ODAD2: variants seen among roughly 807,000 people sequenced by gnomAD.
The protein encoded by ODAD2 is outer dynein arm docking complex subunit 2.
In ODAD2, 89 loss-of-function variants were observed where a neutral mutation model predicts 106.8. The observed-to-expected ratio is 0.83, with a 90% CI of 0.70 to 0.99. The LOEUF (loss-of-function observed/expected upper bound fraction) is 0.99, where lower values mean the gene tolerates loss of function less well. Among genes scored for constraint, ODAD2 ranks in the 50% least tolerant of loss-of-function variants. The pLI is 0.00. For missense variants in ODAD2, 1,168 were observed against 1,238.5 expected, an observed-to-expected ratio of 0.94 and a Z score of 0.85; for synonymous variants, 404 against 436.2, an observed-to-expected ratio of 0.93 and a Z score of 0.92.
intron 7 of ODAD2, among the ~76,000 whole-genome samples, chr10:27,978,601 T>G (rs752505169): frequency 1.3e-5 from 2 of 151,692 alleles, no homozygotes; most frequent in Non-Finnish European, 2.9e-5. Context: ...GACACCAGCT[T>G]GGCCAACATG....
intron 15 of ODAD2, 81 bp downstream of exon 15, chr10:27,936,645 C>G: frequency 1.4e-6 from 2 of 1,465,516 alleles, no homozygotes; most frequent in Non-Finnish European, 1.9e-6. Flanking sequence ...GAATTGACTC[C>G]TTACTAGAAT....
chr10:27,858,680 G>A lies in ODAD2; in HGVS notation c.3021+1945C>T, dbSNP rs545417361. ...CAAACACAGTTTGGTCACTTTACAC[G>A]GTAGGATAATATTCATAAATGATTT... On this transcript the variant is annotated intron_variant, in intron 19 of 19. Transcript: ENST00000305242. Among the ~76,000 whole-genome samples the A allele has an allele frequency of 1.2e-4, 19 of 152,156 alleles. No individual in the cohort carries two copies. The South Asian group carries it at 2.7e-3, about 22-fold the overall frequency.
intron 14 of ODAD2, among the ~76,000 whole-genome samples, chr10:27,938,674 A>G (rs1846170046): frequency 6.7e-6 from 1 of 149,146 alleles, no homozygotes; most frequent in Admixed American, 6.8e-5. Flanking sequence ...ATCTTGGCTC[A>G]CTGCAACCTC....
chr10:27,873,205 C>T (rs879232759), intron 17 of ODAD2, among the ~76,000 whole-genome samples: 7 of 138,610 alleles, frequency 5.1e-5, no homozygotes, highest in Admixed American at 4.5e-4. Context: ...GGTGATATCC[C>T]CTTTGTCATT....
At chr10:27,936,902 G>A (rs923074261) in intron 14 of ODAD2, 22 bp from the exon 15 acceptor site, 13 of 1,576,974 alleles carry the variant, frequency 8.2e-6, no homozygotes, top group East Asian at 4.6e-5. Context: ...GTCAGACAGA[G>A]GCTGTCAGTC....
intron 3 of ODAD2, among the ~76,000 whole-genome samples, chr10:27,986,868 A>G (rs1849904167): frequency 6.6e-6 from 1 of 152,270 alleles, no homozygotes; most frequent in Non-Finnish European, 1.5e-5. Flanking sequence ...TATTCACAGA[A>G]GGCTGTGAAG....
chr10:27,953,478 C>T (rs1847509271), intron 10 of ODAD2, among the ~76,000 whole-genome samples: 1 of 152,034 alleles, frequency 6.6e-6, no homozygotes, highest in African/African-American at 2.4e-5. Flanking sequence ...TATATCCAAA[C>T]AATGTGTAAA....
chr10:27,999,543 T>C (rs767428927), upstream of ODAD2, among the ~76,000 whole-genome samples: 19 of 152,076 alleles, frequency 1.2e-4, no homozygotes, highest in Non-Finnish European at 2.6e-4. Flanking sequence ...TGAAAACATG[T>C]CCCCCATCTC....
intron 17 of ODAD2, among the ~76,000 whole-genome samples, chr10:27,868,924 C>T (rs189428400): frequency 7.9e-5 from 12 of 151,708 alleles, no homozygotes; most frequent in Admixed American, 4.6e-4. Flanking sequence ...CATGCTCTTA[C>T]GATGAAAGCA....
intron 10 of ODAD2, among the ~76,000 whole-genome samples, chr10:27,947,857 C>G (rs1007834408): frequency 2.2e-4 from 34 of 152,202 alleles, no homozygotes; most frequent in Admixed American, 6.5e-4. Context: ...CATTCTTAAT[C>G]GCTCGTGCTG....
intron 19 of ODAD2, among the ~76,000 whole-genome samples, chr10:27,840,357 T>C (rs1838217318): frequency 1.3e-5 from 2 of 152,212 alleles, no homozygotes; most frequent in South Asian, 4.1e-4. Context: ...TGTCAGTTGG[T>C]TCAGAAATTT....
At chr10:27,840,328 C>T (rs1290065580) in intron 19 of ODAD2, among the ~76,000 whole-genome samples, 2 of 152,170 alleles carry the variant, frequency 1.3e-5, no homozygotes, top group African/African-American at 2.4e-5. Context: ...TGAATATCAA[C>T]TGACCTAAGA....
intron 16 of ODAD2, among the ~76,000 whole-genome samples, chr10:27,911,353 C>G (rs929766114): frequency 2.0e-5 from 3 of 152,054 alleles, no homozygotes; most frequent in African/African-American, 7.2e-5. Context: ...GGAATGACAG[C>G]GCAAGTGATG....
intron 16 of ODAD2, among the ~76,000 whole-genome samples, chr10:27,923,945 T>TGAAAGAAAGAAAGAAAGAAAGAAA (rs747193046): frequency 2.2e-4 from 10 of 46,008 alleles, no homozygotes; most frequent in East Asian, 1.6e-3. Context: ...CCCTGTCTAA[T>TGAAAGAAAGAAAGAAAGAAAGAAA]GAAAGAAAGA....
intron 16 of ODAD2, among the ~76,000 whole-genome samples, chr10:27,927,383 C>A (rs759585554): frequency 2.6e-5 from 4 of 152,088 alleles, no homozygotes; most frequent in Non-Finnish European, 4.4e-5. Context: ...GGAAGATTTA[C>A]ATAGGAGAGA....
chr10:27,948,856 G>T (rs1847133978), intron 10 of ODAD2, among the ~76,000 whole-genome samples: 1 of 100,910 alleles, frequency 9.9e-6, no homozygotes, highest in African/African-American at 3.9e-5. Context: ...CATTCCTTCT[G>T]ATGACCAGGA....
At chr10:27,959,591 A>G (rs11598344) in intron 10 of ODAD2, among the ~76,000 whole-genome samples, 83,003 of 151,886 alleles carry the variant, frequency 0.55, 22,858 homozygotes, top group Middle Eastern at 0.65. Context: ...GTGCAGGAGC[A>G]TGTGGCCTGA....
intron 17 of ODAD2, among the ~76,000 whole-genome samples, chr10:27,866,665 G>A (rs535022522): frequency 2.0e-5 from 3 of 152,198 alleles, no homozygotes; most frequent in Non-Finnish European, 4.4e-5. Flanking sequence ...GAAGGTGAAA[G>A]GAAGTAGGCA....
chr10:27,952,074 C>CAAAAAAAAAA (rs71388944), intron 10 of ODAD2, among the ~76,000 whole-genome samples: 14 of 44,022 alleles, frequency 3.2e-4, no homozygotes, highest in South Asian at 1.0e-3. Context: ...GATGCCAACT[C>CAAAAAAAAAA]AAAAAAAAAA....
Sources: gnomAD v4.1 joint callset for allele counts (sites outside exome capture counted in the v4.1 genomes callset) on GRCh38, gnomAD v4.1.1 for gene constraint, MANE v1.5 for transcripts, NCBI Gene and HGNC (gene_info 2026-07-23, HGNC 2026-07-21) for gene names.